PPIC: variants seen among roughly 807,000 people sequenced by gnomAD.
PPIC encodes peptidylprolyl isomerase C.
PPIC carries 19 observed loss-of-function variants against 19.5 expected under a neutral mutation model. The ratio of observed to expected loss-of-function variants is 0.98; its 90% CI spans 0.68 to 1.43. The LOEUF (loss-of-function observed/expected upper bound fraction) is 1.43, where lower values mean the gene tolerates loss of function less well. Ranked by LOEUF, PPIC falls within the 40% of genes most tolerant of loss-of-function variation. The probability of loss-of-function intolerance (pLI) is 0.00; values close to 1 mark genes in which losing one functional copy is unlikely to be tolerated. For synonymous variants in PPIC, 107 were observed against 101.2 expected (o/e 1.06, Z -0.34); for missense variants, 268 against 268.6 (o/e 1.00, Z 0.02).
intron 1 of PPIC, among the ~76,000 whole-genome samples, chr5:123,033,102 T>C (rs1762964080): frequency 6.6e-6 from 1 of 152,204 alleles, no homozygotes; most frequent in African/African-American, 2.4e-5. Flanking sequence ...TCAATGGCCA[T>C]GGAAACTTCA....
Position 123,036,548 on chromosome 5 carries a change from G to A in PPIC, c.78C>T (p.Ala26=). 1 of 1,604,448 alleles carries A rather than the reference G, an allele frequency of 6.2e-7. No individual in the cohort carries two copies. The highest frequency in any genetic ancestry group is 1.1e-5 in the South Asian group (1 of 89,380). The change falls in exon 1 of 5, where the codon GCC becomes GCT. Residue 26 remains alanine, a synonymous_variant. Transcript: ENST00000306442. This position sits in a 1 kb window ranked among gnomAD's most constrained non-coding sequence, Gnocchi z 4.5. ...GLGALVFSSG[A]EGFRKRGPSV... ...AGGGGCCTCGCTTGCGGAAGCCCTC[G>A]GCCCCCGAAGAAAACACAAGTGCGC...
chr5:123,023,901 A>T lies in PPIC; in HGVS notation c.613T>A (p.Phe205Ile). The change falls in exon 5 of 5, where the codon TTT (phenylalanine) becomes ATT (isoleucine). Residue 205 changes from phenylalanine (F) to isoleucine (I), a missense_variant. Coordinates refer to ENST00000306442, the MANE Select transcript of PPIC (RefSeq NM_000943.5). ...NSGKIDVKTP[F>I]VVEIADW ...CACCAATCAGCGATCTCAACCACAA[A>T]AGGCGTTTTCACGTCTATCTTGCCA... 1 of 1,613,844 alleles carries T rather than the reference A, an allele frequency of 6.2e-7. No individual in the cohort carries two copies. Among genetic ancestry groups the T allele is most frequent in the Non-Finnish European group, 8.5e-7 (1 of 1,179,918 alleles).
intron 1 of PPIC, among the ~76,000 whole-genome samples, chr5:123,035,182 A>C: frequency 6.6e-6 from 1 of 152,184 alleles, no homozygotes; most frequent in East Asian, 1.9e-4. Flanking sequence ...ATGCATATGC[A>C]GTTCCCTTTG....
chr5:123,031,003 C>G (rs1362367043), intron 1 of PPIC, among the ~76,000 whole-genome samples: 1 of 152,144 alleles, frequency 6.6e-6, no homozygotes, highest in East Asian at 1.9e-4. Flanking sequence ...GAAAAAGTAC[C>G]TGTCACCCAA....
rs1763017146 is a variant in PPIC at position 123,036,545 on chromosome 5, C to T, written c.81G>A (p.Glu27=). The T allele has an allele frequency of 6.2e-7, 1 of 1,605,158 alleles. No individual in the cohort carries two copies. The highest frequency in any genetic ancestry group is 8.5e-7 in the Non-Finnish European group (1 of 1,177,258). Residue 27 remains glutamate (E), a synonymous_variant, in exon 1 of 5, where the codon GAG becomes GAA. Coordinates refer to ENST00000306442, the MANE Select transcript of PPIC (RefSeq NM_000943.5). The surrounding 1 kb of genome is among the most constrained non-coding windows in gnomAD (Gnocchi z 4.5). ...CCGAGGGGCCTCGCTTGCGGAAGCCCTCGGCCCCCGAAGAAAACACAAGTG... is the reference window on the plus strand; with the variant it reads ...CCGAGGGGCCTCGCTTGCGGAAGCCTTCGGCCCCCGAAGAAAACACAAGTG... The part of the protein sequence containing the change: ...LGALVFSSGA[E]GFRKRGPSVT...
chr5:123,033,279 G>GTTTGGAT (rs1319945879), intron 1 of PPIC, among the ~76,000 whole-genome samples: 1 of 152,226 alleles, frequency 6.6e-6, no homozygotes, highest in Non-Finnish European at 1.5e-5. Context: ...TGCTGCTATG[G>GTTTGGAT]TTTGGATATT....
intron 1 of PPIC, among the ~76,000 whole-genome samples, chr5:123,034,814 C>T (rs528547830): frequency 3.3e-5 from 5 of 152,250 alleles, no homozygotes; most frequent in Admixed American, 3.3e-4. Context: ...TCCCTTGCTC[C>T]CCATTTCAAT....
chr5:123,026,264 C>G (rs149592485), intron 3 of PPIC, among the ~76,000 whole-genome samples: 5 of 152,296 alleles, frequency 3.3e-5, no homozygotes, highest in Admixed American at 1.3e-4. Flanking sequence ...TGACTTCGCT[C>G]TGAAGTGAGA....
intron 3 of PPIC, chr5:123,028,406 C>T (rs1263593823): frequency 1.1e-5 from 2 of 176,838 alleles, no homozygotes; most frequent in Non-Finnish European, 2.4e-5. Context: ...GCAACGCCCA[C>T]CTCTGCCGCA....
In PPIC at chr5:123,036,455, C is replaced by T; in HGVS notation, c.117+54G>A. 2.7e-6 allele frequency: 4 copies of T among 1,504,354 alleles called. No individual in the cohort carries two copies. Among genetic ancestry groups the T allele is most frequent in the Non-Finnish European group, 3.6e-6 (4 of 1,095,954 alleles). The allele number at this position is 1,504,354 out of a possible 1,614,324, so 93.2% of individuals were successfully genotyped here. A position where few individuals can be genotyped will look rare whatever the true frequency, so the allele number is the denominator to read the frequency against. On this transcript the variant is annotated intron_variant, in intron 1 of 4. Coordinates refer to ENST00000306442, the MANE Select transcript of PPIC (RefSeq NM_000943.5). The surrounding 1 kb of genome is among the most constrained non-coding windows in gnomAD (Gnocchi z 4.5). ...CACCGAGGTCCCAGTATCCAAAGCGCCCCCAGGGCCCCGCCCGCAACAGGG... is the reference window on the plus strand; with the variant it reads ...CACCGAGGTCCCAGTATCCAAAGCGTCCCCAGGGCCCCGCCCGCAACAGGG...
chr5:123,024,110 G>T (rs562168314), intron 4 of PPIC, 107 bp from the exon 5 acceptor site: 13 of 1,307,680 alleles, frequency 9.9e-6, no homozygotes, highest in Non-Finnish European at 2.1e-6. Context: ...AGGAAATAAG[G>T]TTGGTTGGTT....
At position 123,028,875 on chromosome 5, in the gene PPIC, A is replaced by T; in HGVS notation, c.232-7T>A. Reference sequence around the variant, plus strand: ...CTTTATATCCATATCCTTTCTAAAGAGATTACTTCAGTTGAATAACAAGTA... The same window carrying T: ...CTTTATATCCATATCCTTTCTAAAGTGATTACTTCAGTTGAATAACAAGTA... On this transcript the variant is annotated splice_region_variant and splice_polypyrimidine_tract_variant and intron_variant, in intron 2 of 4. Transcript: ENST00000306442. The T allele has an allele frequency of 6.3e-7, 1 of 1,582,602 alleles. No individual in the cohort carries two copies. The highest frequency in any genetic ancestry group is 8.7e-7 in the Non-Finnish European group (1 of 1,152,338).
At chr5:123,029,209 A>T (rs761213437) in intron 2 of PPIC, 96 bp downstream of exon 2, 1 of 1,597,632 alleles carries the variant, frequency 6.3e-7, no homozygotes. Context: ...GGTTCATCTG[A>T]CATACTAATT....
chr5:123,033,938 G>C (rs1360115063), intron 1 of PPIC, among the ~76,000 whole-genome samples: 1 of 152,220 alleles, frequency 6.6e-6, no homozygotes, highest in Non-Finnish European at 1.5e-5. Context: ...TGGATTTGGA[G>C]CCCAATGAGC....
At chr5:123,030,138 A>G (rs147917788) in intron 1 of PPIC, among the ~76,000 whole-genome samples, 1,649 of 152,332 alleles carry the variant, frequency 0.011, 13 homozygotes, top group Middle Eastern at 0.051. Flanking sequence ...CAAGTTACCC[A>G]AGTAGAATTT....
intron 3 of PPIC, among the ~76,000 whole-genome samples, chr5:123,027,108 C>T (rs1762870755): frequency 6.6e-6 from 1 of 151,978 alleles, no homozygotes; most frequent in African/African-American, 2.4e-5. Context: ...GCAGGAGAAT[C>T]GCTTGAACCT....
Position 123,036,376 on chromosome 5 carries a change from G to C in PPIC, c.117+133C>G. On this transcript the variant is annotated intron_variant, in intron 1 of 4. Transcript: ENST00000306442. The surrounding 1 kb of genome is among the most constrained non-coding windows in gnomAD (Gnocchi z 4.5). Reference sequence around the variant, plus strand: ...GAGCAGCCCCCTCCCACCCAGTCCCGCGGCCGCCTCCAGTCCCCCTGCGCC... The same window carrying C: ...GAGCAGCCCCCTCCCACCCAGTCCCCCGGCCGCCTCCAGTCCCCCTGCGCC... 2 of 728,610 alleles carry C rather than the reference G, an allele frequency of 2.7e-6. No individual in the cohort carries two copies. The highest frequency in any genetic ancestry group is 2.3e-6 in the Non-Finnish European group (1 of 442,026). The allele number at this position is 728,610 out of a possible 1,614,324, so 45.1% of individuals were successfully genotyped here.
rs912647101 is a variant in PPIC, at chr5:123,027,786, T to G, written c.325+989A>C. Among the ~76,000 whole-genome samples the G allele has an allele frequency of 4.6e-5, 7 of 152,246 alleles. 1 individual carries two copies. Among genetic ancestry groups the G allele is most frequent in the South Asian group, 2.1e-4 (1 of 4,796 alleles). The stretch of plus-strand genomic sequence containing the variant: ...ACAAATATCCACCGAAACCAGTATT[T>G]GTTGAATTAAAAATCTTAAATCTAA... On this transcript the variant is annotated intron_variant, in intron 3 of 4. Transcript: ENST00000306442.
At chr5:123,025,662 G>T in intron 4 of PPIC, 122 bp downstream of exon 4, 1 of 999,662 alleles carries the variant, frequency 1.0e-6, no homozygotes. Context: ...ATTCACCTTT[G>T]AAGAGGCCAG....
Sources: gnomAD v4.1 joint callset for allele counts (sites outside exome capture counted in the v4.1 genomes callset) on GRCh38, gnomAD v4.1.1 for gene constraint, Gnocchi (gnomAD v3.1) non-coding constraint, MANE v1.5 for transcripts, NCBI Gene and HGNC (gene_info 2026-07-23, HGNC 2026-07-21) for gene names.